RBM33: variants seen among roughly 807,000 people sequenced by gnomAD.
The protein encoded by RBM33 is RNA-binding protein 33.
A neutral mutation model predicts 132.6 loss-of-function variants in RBM33; 28 were observed. The ratio of observed to expected loss-of-function variants is 0.21; its 90% confidence interval spans 0.16 to 0.29. RBM33 has a LOEUF of 0.29. Among genes scored for constraint, RBM33 ranks in the 10% least tolerant of loss-of-function variants. The pLI is 1.00. For missense variants in RBM33, 1,291 were observed against 1,518.5 expected (o/e 0.85, Z 2.49); for synonymous variants, 634 against 593.0 (o/e 1.07, Z -1.01).
Position 155,741,921 on chromosome 7 carries a change from G to A in RBM33, c.2152G>A (p.Val718Met), listed in dbSNP as rs148804732. The change falls in exon 13 of 18, where the codon GTG becomes ATG. Residue 718 changes from valine (V) to methionine (M), a missense_variant. Val to Met is a conservative substitution (Grantham distance 21, BLOSUM62 1). Around this residue, in one of 7 missense-constraint regions of RBM33, gnomAD observed 841 missense variants for 912.0 expected, o/e 0.92. Coordinates refer to ENST00000401878, the MANE Select transcript of RBM33 (RefSeq NM_053043.3). ...LRELPIAPSH[V>M]IEMSSSRCSA... ...TGAATTACCCATAGCGCCGTCACAC[G>A]TGATAGAAATGAGCAGCAGCCGCTG... 51 of 1,613,928 alleles carry A rather than the reference G, an allele frequency of 3.2e-5. 1 individual carries two copies. Among genetic ancestry groups the A allele is most frequent in the Non-Finnish European group, 4.1e-5 (48 of 1,179,914 alleles).
At chr7:155,686,413 G>C (rs769018134) in intron 5 of RBM33, among the ~76,000 whole-genome samples, 21 of 152,122 alleles carry the variant, frequency 1.4e-4, no homozygotes, top group Non-Finnish European at 2.9e-4. Context: ...GTAAATAGTT[G>C]AGAGAGAAAC....
chr7:155,681,926 T>G (rs1799347716), intron 5 of RBM33, among the ~76,000 whole-genome samples: 1 of 150,978 alleles, frequency 6.6e-6, no homozygotes, highest in Non-Finnish European at 1.5e-5. Context: ...TCTCAGTAGT[T>G]TTTTTTTTTT....
At position 155,763,839 on chromosome 7, in the gene RBM33, C is replaced by G; in HGVS notation, c.3007C>G (p.Pro1003Ala). Residue 1003 changes from proline to alanine, a missense_variant, in exon 15 of 18, where the codon CCA becomes GCA. Pro to Ala is a conservative substitution (Grantham distance 27, BLOSUM62 -1). Coordinates refer to ENST00000401878, the MANE Select transcript of RBM33 (RefSeq NM_053043.3). Reference protein sequence around the residue: ...GGGESDGFFHPEGQPQRLPQP... With the variant: ...GGGESDGFFHAEGQPQRLPQP... ...AGGAGAGAGCGATGGCTTTTTTCAC[C>G]CAGAAGGCCAGCCCCAGCGGCTTCC... 6.2e-7 allele frequency: 1 copy of G among 1,611,612 alleles called. No individual in the cohort carries two copies. The highest frequency in any genetic ancestry group is 8.5e-7 in the Non-Finnish European group (1 of 1,178,922).
At chr7:155,645,274 C>G (rs1009673558) in intron 1 of RBM33, 2 of 233,614 alleles carry the variant, frequency 8.6e-6, no homozygotes, top group African/African-American at 2.3e-5. Flanking sequence ...GACAGTGTCA[C>G]TTAGGGAGAG....
intron 14 of RBM33, among the ~76,000 whole-genome samples, chr7:155,750,964 G>A (rs1275978763): frequency 6.6e-6 from 1 of 152,100 alleles, no homozygotes; most frequent in Non-Finnish European, 1.5e-5. Context: ...ATTTTTAAAA[G>A]GCTGTCAAAA....
Position 155,779,486 on chromosome 7 carries a change from A to G in RBM33, c.*4445A>G, listed in dbSNP as rs1802740281. On this transcript the variant is annotated 3_prime_UTR_variant, in exon 18 of 18. Transcript: ENST00000401878. ...GTTTGTGAATGGAGTGTTATTTTGG[A>G]CATTCTTAAATATGAATTCTCCAAA... 6.6e-6 allele frequency: 1 copy of G among 152,198 alleles called. No individual in the cohort carries two copies. Among genetic ancestry groups the G allele is most frequent in the African/African-American group, 2.4e-5 (1 of 41,458 alleles). 9.4% of individuals were successfully genotyped at this position (152,198 alleles called of 1,614,324 possible).
chr7:155,666,124 A>G (rs1276403569), intron 2 of RBM33, among the ~76,000 whole-genome samples: 3 of 152,226 alleles, frequency 2.0e-5, no homozygotes, highest in Non-Finnish European at 4.4e-5. Context: ...ATATATGTAG[A>G]AAGATTCATT....
chr7:155,671,778 A>G (rs1325319569), intron 2 of RBM33, among the ~76,000 whole-genome samples: 1 of 152,244 alleles, frequency 6.6e-6, no homozygotes, highest in East Asian at 1.9e-4. Context: ...CTCTTTGTAT[A>G]TTTCTGTATG....
intron 6 of RBM33, among the ~76,000 whole-genome samples, chr7:155,706,254 G>A (rs372505289): frequency 1.3e-5 from 2 of 152,360 alleles, no homozygotes; most frequent in African/African-American, 4.8e-5. Flanking sequence ...CACTTTGGGA[G>A]GCTGAGGCGG....
rs1433075137 is a variant in RBM33, at chr7:155,775,464, G to T, written c.*423G>T. On this transcript the variant is annotated 3_prime_UTR_variant, in exon 18 of 18. Transcript: ENST00000401878. ...AATGGTTGCACTTATCTTCAGTGCA[G>T]GTTAGAAGAGTCTTCTCAACCAAGC... The T allele has an allele frequency of 4.0e-6, 1 of 250,238 alleles. No homozygotes were observed. Among genetic ancestry groups the T allele is most frequent in the African/African-American group, 2.2e-5 (1 of 45,250 alleles). 15.5% of individuals were successfully genotyped at this position (250,238 alleles called of 1,614,324 possible).
At chr7:155,759,857 A>G (rs1801977058) in intron 14 of RBM33, among the ~76,000 whole-genome samples, 1 of 152,030 alleles carries the variant, frequency 6.6e-6, no homozygotes, top group Admixed American at 6.5e-5. Flanking sequence ...TGCCAGGGAA[A>G]CCGGCCAGAG....
At chr7:155,669,819 CTA>C (rs1046982627) in intron 2 of RBM33, among the ~76,000 whole-genome samples, 3 of 152,124 alleles carry the variant, frequency 2.0e-5, no homozygotes, top group African/African-American at 7.2e-5. Context: ...ACTGTAGTCT[CTA>C]TTTCTTCAGG....
chr7:155,754,085 T>C lies in RBM33; in HGVS notation c.2979+8483T>C, dbSNP rs139026301. 1.8e-4 allele frequency among the ~76,000 whole-genome samples: 27 copies of C among 152,338 alleles called. No individual in the cohort carries two copies. The East Asian group carries it at 5.2e-3, about 29-fold the overall frequency. ...TTCTTAATCATGTGGCCTCTAAACATGGCAAGATAGACCATTGGTCATTAG... is the reference window on the plus strand; with the variant it reads ...TTCTTAATCATGTGGCCTCTAAACACGGCAAGATAGACCATTGGTCATTAG... On this transcript the variant is annotated intron_variant, in intron 14 of 17. Transcript: ENST00000401878.
At chr7:155,755,280 C>T (rs1801813147) in intron 14 of RBM33, among the ~76,000 whole-genome samples, 1 of 152,218 alleles carries the variant, frequency 6.6e-6, no homozygotes. Context: ...CCCTGGGACA[C>T]TACACCCCTG....
At chr7:155,681,127 GA>G (rs1799327159) in intron 5 of RBM33, among the ~76,000 whole-genome samples, 1 of 152,258 alleles carries the variant, frequency 6.6e-6, no homozygotes, top group African/African-American at 2.4e-5. Context: ...AGGCTGCAAA[GA>G]ATCGTGACCT....
intron 1 of RBM33, among the ~76,000 whole-genome samples, chr7:155,651,486 A>G (rs1798350732): frequency 6.6e-6 from 1 of 151,180 alleles, no homozygotes; most frequent in African/African-American, 2.4e-5. Context: ...AGCCATTTAG[A>G]AGGCTTCATG....
intron 14 of RBM33, among the ~76,000 whole-genome samples, chr7:155,753,903 A>G (rs1454260637): frequency 1.3e-5 from 2 of 152,242 alleles, no homozygotes; most frequent in Non-Finnish European, 2.9e-5. Context: ...AATAGGGCAT[A>G]CAGAATCCTG....
At chr7:155,671,827 C>T (rs904379794) in intron 2 of RBM33, among the ~76,000 whole-genome samples, 1 of 152,032 alleles carries the variant, frequency 6.6e-6, no homozygotes, top group Admixed American at 6.6e-5. Context: ...AGATTGATTT[C>T]CCCAGAATTA....
intron 7 of RBM33, 23 bp from the exon 8 acceptor site, chr7:155,711,180 C>A: frequency 6.7e-7 from 1 of 1,486,024 alleles, no homozygotes; most frequent in African/African-American, 1.4e-5. Context: ...TAGACTCATT[C>A]TCCAAGGTTA....
Sources: gnomAD v4.1 joint callset for allele counts (sites outside exome capture counted in the v4.1 genomes callset) on GRCh38, gnomAD v4.1.1 for gene constraint, gnomAD v4.1.1 regional missense constraint, MANE v1.5 for transcripts, NCBI Gene and HGNC (gene_info 2026-07-23, HGNC 2026-07-21) for gene names.